The following CACNA2D3 variants were observed in gnomAD, a reference collection of about 807,000 sequenced individuals.
CACNA2D3 encodes the protein voltage-dependent calcium channel subunit alpha-2/delta-3.
CACNA2D3 carries 60 observed loss-of-function variants against 160.6 expected under a neutral mutation model. The ratio of observed to expected loss-of-function variants is 0.37; its 90% confidence interval spans 0.30 to 0.46. CACNA2D3 has a LOEUF of 0.46. CACNA2D3 is among the 20% of genes least tolerant of loss of function. The pLI, the probability that CACNA2D3 is intolerant of heterozygous loss-of-function variation, is 1.00. For missense variants in CACNA2D3, 1,205 were observed against 1,365.0 expected, an observed-to-expected ratio of 0.88 and a Z score of 1.85; for synonymous variants, 558 against 492.9, an observed-to-expected ratio of 1.13 and a Z score of -1.75.
At chr3:54,726,431 C>T (rs1575443451) in intron 11 of CACNA2D3, among the ~76,000 whole-genome samples, 3 of 152,018 alleles carry the variant, frequency 2.0e-5, no homozygotes, top group East Asian at 1.9e-4. Flanking sequence ...CATATGCAAC[C>T]AAAAAAGAGC....
At chr3:54,686,333 C>A (rs752497463) in intron 11 of CACNA2D3, among the ~76,000 whole-genome samples, 1 of 152,172 alleles carries the variant, frequency 6.6e-6, no homozygotes, top group Non-Finnish European at 1.5e-5. Context: ...GAACTAACAA[C>A]CTCTTCAATA....
intron 4 of CACNA2D3, among the ~76,000 whole-genome samples, chr3:54,476,361 A>G (rs146179936): frequency 1.8e-4 from 27 of 151,884 alleles, no homozygotes; most frequent in African/African-American, 6.3e-4. Flanking sequence ...TAATGCTGCA[A>G]TGATTGTGGG....
At chr3:54,341,235 A>G (rs1298597642) in intron 3 of CACNA2D3, among the ~76,000 whole-genome samples, 2 of 152,194 alleles carry the variant, frequency 1.3e-5, no homozygotes, top group Non-Finnish European at 2.9e-5. Context: ...ATTTGTTCAA[A>G]CTGCCTTCAG....
intron 27 of CACNA2D3, among the ~76,000 whole-genome samples, chr3:54,920,529 C>T (rs1184495608): frequency 6.6e-6 from 1 of 152,130 alleles, no homozygotes; most frequent in Admixed American, 6.5e-5. Context: ...ACTGATTTTC[C>T]TGAGGCCAGA....
intron 3 of CACNA2D3, among the ~76,000 whole-genome samples, chr3:54,339,018 C>A (rs1704457377): frequency 6.6e-6 from 1 of 152,170 alleles, no homozygotes; most frequent in South Asian, 2.1e-4. Context: ...ATCAAAGCAA[C>A]CGGTATTAAT....
At chr3:54,313,753 C>T (rs1367243034) in intron 2 of CACNA2D3, among the ~76,000 whole-genome samples, 2 of 150,958 alleles carry the variant, frequency 1.3e-5, no homozygotes, top group African/African-American at 4.9e-5. Flanking sequence ...CACCCCACCC[C>T]CAGCCTTGTC....
chr3:54,235,263 A>G (rs1053447296), intron 2 of CACNA2D3, among the ~76,000 whole-genome samples: 1 of 152,214 alleles, frequency 6.6e-6, no homozygotes, highest in Non-Finnish European at 1.5e-5. Flanking sequence ...TCACATTGCT[A>G]TAAAAAGATA....
chr3:55,043,976 C>G (rs1704017946), intron 35 of CACNA2D3, among the ~76,000 whole-genome samples: 1 of 152,130 alleles, frequency 6.6e-6, no homozygotes, highest in Non-Finnish European at 1.5e-5. Flanking sequence ...ATGTGTCTGT[C>G]TTTTCTCTAA....
intron 2 of CACNA2D3, among the ~76,000 whole-genome samples, chr3:54,179,491 C>T (rs981209203): frequency 6.6e-6 from 1 of 152,218 alleles, no homozygotes; most frequent in Non-Finnish European, 1.5e-5. Context: ...GCCCTCATGC[C>T]TCCTGCCCAG....
chr3:54,373,541 A>T (rs1236897979), intron 3 of CACNA2D3, among the ~76,000 whole-genome samples: 2 of 152,244 alleles, frequency 1.3e-5, no homozygotes, highest in African/African-American at 4.8e-5. Flanking sequence ...AAGCAAATTA[A>T]GGATACAGTA....
intron 4 of CACNA2D3, among the ~76,000 whole-genome samples, chr3:54,494,164 A>G (rs1701160991): frequency 6.6e-6 from 1 of 152,236 alleles, no homozygotes; most frequent in African/African-American, 2.4e-5. Context: ...GGGAACAAGG[A>G]TTCAGAAATA....
intron 11 of CACNA2D3, among the ~76,000 whole-genome samples, chr3:54,702,868 T>C (rs1357547900): frequency 6.6e-6 from 1 of 152,138 alleles, no homozygotes; most frequent in Non-Finnish European, 1.5e-5. Flanking sequence ...GAAAATGTGG[T>C]ACATACACAT....
intron 4 of CACNA2D3, among the ~76,000 whole-genome samples, chr3:54,427,828 C>G (rs1699930907): frequency 6.6e-6 from 1 of 152,172 alleles, no homozygotes; most frequent in Admixed American, 6.5e-5. Flanking sequence ...GACCAGAAAT[C>G]CAGCTGCCTA....
intron 3 of CACNA2D3, among the ~76,000 whole-genome samples, chr3:54,353,579 C>A (rs1698601023): frequency 6.6e-6 from 1 of 152,122 alleles, no homozygotes; most frequent in Non-Finnish European, 1.5e-5. Context: ...AGCATTCCCA[C>A]CGCGCCCCCT....
At chr3:54,366,920 C>T (rs1698836181) in intron 3 of CACNA2D3, among the ~76,000 whole-genome samples, 1 of 152,194 alleles carries the variant, frequency 6.6e-6, no homozygotes, top group Non-Finnish European at 1.5e-5. Flanking sequence ...GAAAAGCAAC[C>T]TTGAATGGGA....
At chr3:54,388,430 A>G (rs1699225725) in intron 4 of CACNA2D3, among the ~76,000 whole-genome samples, 1 of 152,190 alleles carries the variant, frequency 6.6e-6, no homozygotes, top group Admixed American at 6.5e-5. Context: ...GGAGGGGCAA[A>G]CAAAAAATAT....
At chr3:54,902,913 T>C (rs1700371229) in intron 27 of CACNA2D3, among the ~76,000 whole-genome samples, 3 of 152,224 alleles carry the variant, frequency 2.0e-5, no homozygotes, top group African/African-American at 7.2e-5. Flanking sequence ...TAAAAGTTGG[T>C]GGCATATTCA....
rs186071250 is a variant in CACNA2D3 at position 54,210,149 on chromosome 3, G to A, written c.204+86555G>A. 4.6e-5 allele frequency among the ~76,000 whole-genome samples: 7 copies of A among 152,290 alleles called. No homozygotes were observed. The East Asian group carries it at 1.4e-3, about 29-fold the overall frequency. ...TTATAAGTGATATGGAAAAAAAGTA[G>A]AGCAGTAAGGAGGATGTGGGGTGGT... On this transcript the variant is annotated intron_variant, in intron 2 of 37. Transcript: ENST00000474759.
At chr3:54,856,424 A>T (rs936076015) in intron 17 of CACNA2D3, among the ~76,000 whole-genome samples, 41 of 152,062 alleles carry the variant, frequency 2.7e-4, no homozygotes, top group African/African-American at 8.2e-4. Flanking sequence ...TTTGTGTGTG[A>T]CTGGAACCCT....
Sources: gnomAD v4.1 joint callset for allele counts (sites outside exome capture counted in the v4.1 genomes callset) on GRCh38, gnomAD v4.1.1 for gene constraint, MANE v1.5 for transcripts, NCBI Gene and HGNC (gene_info 2026-07-23, HGNC 2026-07-21) for gene names.